The following PNO1 variants were observed in gnomAD, a reference collection of about 807,000 sequenced individuals.
PNO1 encodes the protein RNA-binding protein PNO1.
PNO1 carries 16 observed loss-of-function variants against 28.4 expected under a neutral mutation model. The observed-to-expected ratio is 0.56, with a 90% CI of 0.38 to 0.85. PNO1 has a LOEUF of 0.85. Ranked by LOEUF, PNO1 falls within the 40% of genes least tolerant of loss-of-function variation. PNO1 has a pLI of 0.00. For missense variants in PNO1, 304 were observed against 312.2 expected (o/e 0.97, Z 0.20); for synonymous variants, 115 against 110.8 (o/e 1.04, Z -0.24).
intron 3 of PNO1, 55 bp from the exon 4 acceptor site, chr2:68,162,210 C>T: frequency 1.5e-6 from 2 of 1,312,972 alleles, no homozygotes; most frequent in Non-Finnish European, 2.2e-6. Context: ...GCACTTTACT[C>T]TTTTTCAGGT....
At position 68,168,368 on chromosome 2, in the gene PNO1, C is replaced by T. The variant is rs1350631984; in HGVS notation, c.621-4979C>T. On this transcript the variant is annotated intron_variant, in intron 5 of 6. Coordinates refer to ENST00000263657, the MANE Select transcript of PNO1 (RefSeq NM_020143.4). ...GCACTGCCTCTGGAAGCTGGTAGTA[C>T]CAGTCCATGGTCAGTGATCTCTTAT... 3.3e-5 allele frequency among the ~76,000 whole-genome samples: 5 copies of T among 152,284 alleles called. No homozygotes were observed. The East Asian group carries it at 9.6e-4, about 29-fold the overall frequency.
Position 68,174,776 on chromosome 2 carries a change from G to C in PNO1, c.733G>C (p.Ala245Pro), listed in dbSNP as rs571050889. ...SKVYGNIRAV[A>P]SRSADRF is the part of the protein sequence containing the mutation. ...GGTTTATGGCAATATTCGAGCTGTGGCTAGCAGATCAGCAGATCGATTCTG... is the reference window on the plus strand; with the variant it reads ...GGTTTATGGCAATATTCGAGCTGTGCCTAGCAGATCAGCAGATCGATTCTG... Residue 245 changes from alanine to proline, a missense_variant, in exon 7 of 7, where the codon GCT (alanine) becomes CCT (proline). Ala to Pro is a conservative substitution (Grantham distance 27, BLOSUM62 -1). Coordinates refer to ENST00000263657, the MANE Select transcript of PNO1 (RefSeq NM_020143.4). The C allele has an allele frequency of 1.3e-4, 217 of 1,609,800 alleles. 1 individual carries two copies. The South Asian group carries it at 2.3e-3, about 17-fold the overall frequency.
rs1399820542 is a variant in PNO1 at position 68,165,846 on chromosome 2, C to T, written c.620+3183C>T. On this transcript the variant is annotated intron_variant, in intron 5 of 6. Coordinates refer to ENST00000263657, the MANE Select transcript of PNO1 (RefSeq NM_020143.4). ...TAGAAGTTTATTGTGGCATAATTTA[C>T]ATACAATAAAATTCTATTGTTTTAA... 3.3e-5 allele frequency among the ~76,000 whole-genome samples: 5 copies of T among 152,164 alleles called. No individual in the cohort carries two copies. In the East Asian group the frequency reaches 9.6e-4, roughly 29 times the overall value.
chr2:68,158,671 A>G, intron 2 of PNO1, 142 bp downstream of exon 2: 1 of 653,992 alleles, frequency 1.5e-6, no homozygotes, highest in South Asian at 2.5e-5. Context: ...TTGAGTTTGA[A>G]CTTCCCAAAT....
At chr2:68,167,544 C>G (rs1038621722) in intron 5 of PNO1, among the ~76,000 whole-genome samples, 10 of 152,208 alleles carry the variant, frequency 6.6e-5, no homozygotes, top group Non-Finnish European at 1.0e-4. Context: ...TGCATTTGCA[C>G]AAAACAGTAA....
At chr2:68,161,474 C>T in intron 2 of PNO1, 1 of 545,102 alleles carries the variant, frequency 1.8e-6, no homozygotes, top group South Asian at 2.0e-5. Context: ...TTGGGTGGAA[C>T]AGCCAAGCTT....
intron 5 of PNO1, among the ~76,000 whole-genome samples, chr2:68,166,616 C>T (rs963255846): frequency 1.3e-4 from 20 of 152,194 alleles, no homozygotes; most frequent in Non-Finnish European, 2.5e-4. Context: ...TAATTTCTGA[C>T]TTTTTTGCCC....
rs1674266768 is a variant in PNO1, at chr2:68,175,823, T to C, written c.*1021T>C. On this transcript the variant is annotated 3_prime_UTR_variant, in exon 7 of 7. Transcript: ENST00000263657. ...TAGGTCCAGATAAGCCCACTGTGAG[T>C]TGAAAATACCAAAAGTCAAACATCA... is the stretch of plus-strand genomic sequence containing the variant. 6.6e-6 allele frequency: 1 copy of C among 152,166 alleles called. No homozygotes were observed. The allele number at this position is 152,166 out of a possible 1,614,324, so 9.4% of individuals were successfully genotyped here.
In PNO1 at chr2:68,158,130, G is replaced by A. The variant is rs1292205346; in HGVS notation, c.196G>A (p.Asp66Asn). 7 of 1,601,394 alleles carry A rather than the reference G, an allele frequency of 4.4e-6. No homozygotes were observed. The highest frequency in any genetic ancestry group is 6.0e-6 in the Non-Finnish European group (7 of 1,173,640). ...KRPVFPPLCG[D>N]GLLSGKEETR... ...GCCCGTCTTCCCACCCCTCTGTGGG[G>A]ACGGGCTCCTGGTATGTGGCTGGGA... The change falls in exon 1 of 7, where the codon GAC becomes AAC. Residue 66 changes from aspartate (D) to asparagine (N), a missense_variant. Transcript: ENST00000263657.
chr2:68,175,228 A>G lies in PNO1; in HGVS notation c.*426A>G, dbSNP rs13003580. Reference sequence around the variant, plus strand: ...GATTATCTCAGAAAAACCTCTCTGAATGATGACCCTTCCTTAATACTGGGT... The same window carrying G: ...GATTATCTCAGAAAAACCTCTCTGAGTGATGACCCTTCCTTAATACTGGGT... On this transcript the variant is annotated 3_prime_UTR_variant, in exon 7 of 7. Transcript: ENST00000263657. 0.21 allele frequency: 32,382 copies of G among 152,980 alleles called. 3,668 individuals carry two copies. Among genetic ancestry groups the G allele is most frequent in the Non-Finnish European group, 0.25 (17,003 of 68,542 alleles). The allele number at this position is 152,980 out of a possible 1,614,324, so 9.5% of individuals were successfully genotyped here.
intron 4 of PNO1, 53 bp from the exon 5 acceptor site, chr2:68,162,493 T>C: frequency 3.2e-6 from 4 of 1,232,654 alleles, no homozygotes; most frequent in Non-Finnish European, 4.8e-6. Context: ...TTATGTGGAA[T>C]GGGTGGTACA....
intron 5 of PNO1, 140 bp from the exon 6 acceptor site, chr2:68,173,207 G>A (rs1674178058): frequency 3.6e-6 from 2 of 561,712 alleles, no homozygotes; most frequent in Non-Finnish European, 6.4e-6. Flanking sequence ...TGTAGAGATG[G>A]CGTCTCATTA....
intron 5 of PNO1, among the ~76,000 whole-genome samples, chr2:68,163,304 G>A (rs1436742867): frequency 2.6e-5 from 4 of 152,164 alleles, no homozygotes; most frequent in African/African-American, 9.7e-5. Flanking sequence ...GGCTGAGGCG[G>A]GCGGATCACC....
Position 68,174,735 on chromosome 2 carries a change from G to A in PNO1, c.692G>A (p.Gly231Glu). 6.2e-7 allele frequency: 1 copy of A among 1,602,632 alleles called. No homozygotes were observed. Among genetic ancestry groups the A allele is most frequent in the Non-Finnish European group, 8.5e-7 (1 of 1,170,636 alleles). ...ARTAICNLIL[G>E]NPPSKVYGNI... ...ATATACTTTTTTTTCCCCTTTGCAG[G>A]AAATCCTCCTTCCAAGGTTTATGGC... Residue 231 changes from glycine (G) to glutamate (E), a missense_variant and splice_region_variant, in exon 7 of 7, where the codon GGA becomes GAA. Gly to Glu is a moderately conservative substitution (Grantham distance 98). Coordinates refer to ENST00000263657, the MANE Select transcript of PNO1 (RefSeq NM_020143.4).
chr2:68,173,298 T>A (rs542076756), intron 5 of PNO1, 49 bp from the exon 6 acceptor site: 1 of 1,114,528 alleles, frequency 9.0e-7, no homozygotes, highest in Admixed American at 1.7e-5. Context: ...ATTACAGGTG[T>A]GAGTCATTGC....
chr2:68,159,201 T>G (rs553982270), intron 2 of PNO1, among the ~76,000 whole-genome samples: 1 of 152,290 alleles, frequency 6.6e-6, no homozygotes, highest in South Asian at 2.1e-4. Flanking sequence ...TGTGTTTTAA[T>G]GGTGCTCTTT....
In PNO1 at chr2:68,174,726, C is replaced by T. The variant is rs759238272; in HGVS notation, c.692-9C>T. On this transcript the variant is annotated splice_polypyrimidine_tract_variant and intron_variant, in intron 6 of 6. Coordinates refer to ENST00000263657, the MANE Select transcript of PNO1 (RefSeq NM_020143.4). The stretch of plus-strand genomic sequence containing the variant: ...TATTTGTGTATATACTTTTTTTTCC[C>T]CTTTGCAGGAAATCCTCCTTCCAAG... 5.0e-6 allele frequency: 8 copies of T among 1,591,474 alleles called. No individual in the cohort carries two copies. The highest frequency in any genetic ancestry group is 1.7e-5 in the Admixed American group (1 of 59,160).
At chr2:68,161,983 A>G (rs13413981) in intron 3 of PNO1, among the ~76,000 whole-genome samples, 3,529 of 152,134 alleles carry the variant, frequency 0.023, 119 homozygotes, top group African/African-American at 0.081. Flanking sequence ...CTAAAAATAC[A>G]AAAAAATTAG....
chr2:68,171,082 G>A (rs188474910), intron 5 of PNO1, among the ~76,000 whole-genome samples: 41 of 152,244 alleles, frequency 2.7e-4, no homozygotes, highest in Admixed American at 7.2e-4. Context: ...ACAGAAATCA[G>A]TGCTCAGTGT....
Sources: allele counts gnomAD v4.1 joint callset (sites outside exome capture counted in the v4.1 genomes callset), GRCh38; gene constraint gnomAD v4.1.1; transcripts MANE v1.5; gene names NCBI Gene and HGNC (gene_info 2026-07-23, HGNC 2026-07-21).